Variants in TM4SF5 observed in about 807,000 individuals in gnomAD.
TM4SF5 encodes the protein transmembrane 4 L6 family member 5.
A neutral mutation model predicts 22.3 loss-of-function variants in TM4SF5; 16 were observed. That is an observed-to-expected ratio of 0.72 (90% CI 0.49 to 1.09). The LOEUF (loss-of-function observed/expected upper bound fraction) is 1.09, where lower values mean the gene tolerates loss of function less well. Among genes scored for constraint, TM4SF5 ranks in the 50% least tolerant of loss-of-function variants. The pLI, the probability that TM4SF5 is intolerant of heterozygous loss-of-function variation, is 0.00. For missense variants in TM4SF5, 249 were observed against 266.1 expected (o/e 0.94, Z 0.45); for synonymous variants, 113 against 109.6 (o/e 1.03, Z -0.19).
rs145433030 is a variant in TM4SF5, at chr17:4,780,674, C to T, written c.178-115C>T. On this transcript the variant is annotated intron_variant, in intron 1 of 4. Transcript: ENST00000270560. ...GGAGACGTAGAGATAAGGTCTTCTA[C>T]AGTCCAAAGGGCTGAAGGCATCACA... 800 of 704,694 alleles carry T rather than the reference C, an allele frequency of 1.1e-3. 6 individuals carry two copies. In the African/African-American group the frequency reaches 0.013, roughly 11 times the overall value. The allele number at this position is 704,694 out of a possible 1,614,324, so 43.7% of individuals were successfully genotyped here. A position where few individuals can be genotyped will look rare whatever the true frequency, so the allele number is the denominator to read the frequency against.
intron 1 of TM4SF5, among the ~76,000 whole-genome samples, chr17:4,773,940 G>A (rs1223006344): frequency 2.0e-5 from 3 of 152,198 alleles, no homozygotes; most frequent in African/African-American, 7.2e-5. Flanking sequence ...CACCCGGTGG[G>A]CATGGTGGCT....
At chr17:4,774,843 G>A (rs904186289) in intron 1 of TM4SF5, among the ~76,000 whole-genome samples, 2 of 151,942 alleles carry the variant, frequency 1.3e-5, no homozygotes, top group Non-Finnish European at 2.9e-5. Flanking sequence ...AGAGGCGGAG[G>A]TTGCAGTGAA....
At chr17:4,781,095 G>A (rs754190569) in intron 2 of TM4SF5, among the ~76,000 whole-genome samples, 9 of 148,070 alleles carry the variant, frequency 6.1e-5, no homozygotes, top group African/African-American at 1.0e-4. Flanking sequence ...TGGGAGGGCC[G>A]CTTGAGCCCA....
chr17:4,780,834 T>G lies in TM4SF5; in HGVS notation c.223T>G (p.Cys75Gly), dbSNP rs763660860. Residue 75 changes from cysteine to glycine, a missense_variant, in exon 2 of 5, where the codon TGC becomes GGC. By Grantham distance (159) the Cys-to-Gly change is radical (BLOSUM62 -3). Transcript: ENST00000270560. ...IAAVRAGGKG[C>G]CGAGCCGNRC... ...AGCCGTTCGGGCAGGGGGCAAGGGCTGCTGTGGTGCTGGGTGCTGTGGAAA... is the reference window on the plus strand; with the variant it reads ...AGCCGTTCGGGCAGGGGGCAAGGGCGGCTGTGGTGCTGGGTGCTGTGGAAA... The G allele has an allele frequency of 4.3e-6, 7 of 1,610,932 alleles. No individual in the cohort carries two copies. Among genetic ancestry groups the G allele is most frequent in the East Asian group, 4.5e-5 (2 of 44,654 alleles).
Position 4,782,692 on chromosome 17 carries a change from C to T in TM4SF5, c.395+53C>T, listed in dbSNP as rs1449628689. Reference sequence around the variant, plus strand: ...CCATTCTCTGCCTCTTCCCTCCCGCCCTTCCCCCGTGGACTGGGACACCTG... The same window carrying T: ...CCATTCTCTGCCTCTTCCCTCCCGCTCTTCCCCCGTGGACTGGGACACCTG... On this transcript the variant is annotated intron_variant, in intron 3 of 4. Coordinates refer to ENST00000270560, the MANE Select transcript of TM4SF5 (RefSeq NM_003963.3). The T allele has an allele frequency of 6.8e-6, 11 of 1,606,290 alleles. No homozygotes were observed. The Admixed American group carries it at 1.8e-4, about 27-fold the overall frequency.
chr17:4,772,790 A>C (rs971371943), intron 1 of TM4SF5, among the ~76,000 whole-genome samples: 1 of 150,070 alleles, frequency 6.7e-6, no homozygotes, highest in Non-Finnish European at 1.5e-5. Flanking sequence ...AACATGGCTC[A>C]CTGTAGCCCC....
chr17:4,775,097 G>A (rs1917181868), intron 1 of TM4SF5, among the ~76,000 whole-genome samples: 1 of 151,142 alleles, frequency 6.6e-6, no homozygotes, highest in African/African-American at 2.4e-5. Context: ...CCTAAGGTGG[G>A]AACAAGCTCT....
chr17:4,778,801 T>A (rs546764378), intron 1 of TM4SF5, among the ~76,000 whole-genome samples: 1 of 152,084 alleles, frequency 6.6e-6, no homozygotes, highest in Non-Finnish European at 1.5e-5. Flanking sequence ...CTCACGCTTG[T>A]AATCCCAGCA....
Position 4,772,021 on chromosome 17 carries a change from G to T in TM4SF5, c.99G>T (p.Gly33=). Reference sequence around the variant, plus strand: ...ACGCCCTCCTGCTGGTACCTAATGGGGAGACCTCCTGGACCAACACCAACC... The same window carrying T: ...ACGCCCTCCTGCTGGTACCTAATGGTGAGACCTCCTGGACCAACACCAACC... The part of the protein sequence containing the change: ...VANALLLVPN[G]ETSWTNTNHL... The change falls in exon 1 of 5, where the codon GGG becomes GGT. Residue 33 remains glycine (G), a synonymous_variant. Transcript: ENST00000270560. 6.2e-7 allele frequency: 1 copy of T among 1,614,186 alleles called. No individual in the cohort carries two copies. Among genetic ancestry groups the T allele is most frequent in the Non-Finnish European group, 8.5e-7 (1 of 1,180,034 alleles).
intron 1 of TM4SF5, among the ~76,000 whole-genome samples, chr17:4,777,157 A>T (rs1370767236): frequency 6.6e-6 from 1 of 150,928 alleles, no homozygotes; most frequent in East Asian, 1.9e-4. Flanking sequence ...AGATCATGCC[A>T]CTGCAATCCA....
chr17:4,775,302 G>A (rs564808284), intron 1 of TM4SF5, among the ~76,000 whole-genome samples: 47 of 150,922 alleles, frequency 3.1e-4, no homozygotes, highest in Admixed American at 1.2e-3. Context: ...TGTGTCGCCC[G>A]GGCTGCAGTG....
At chr17:4,778,314 C>T (rs1440484975) in intron 1 of TM4SF5, among the ~76,000 whole-genome samples, 1 of 151,820 alleles carries the variant, frequency 6.6e-6, no homozygotes, top group Non-Finnish European at 1.5e-5. Context: ...ATGGTATGTG[C>T]CAGATAAGAC....
intron 1 of TM4SF5, among the ~76,000 whole-genome samples, chr17:4,780,500 C>T (rs1165220079): frequency 6.6e-6 from 1 of 152,140 alleles, no homozygotes. Flanking sequence ...GAAGTAGTTT[C>T]CCTGATTTCC....
chr17:4,776,975 G>A (rs62073592), intron 1 of TM4SF5, among the ~76,000 whole-genome samples: 20,392 of 151,980 alleles, frequency 0.13, 1,563 homozygotes, highest in Admixed American at 0.18. Context: ...CGAGGCCAGC[G>A]GATCATGAGG....
chr17:4,778,700 C>T (rs189884570), intron 1 of TM4SF5, among the ~76,000 whole-genome samples: 147 of 152,130 alleles, frequency 9.7e-4, no homozygotes, highest in Non-Finnish European at 1.0e-3. Context: ...CCTGGTGCAA[C>T]GAAGATAAAG....
At chr17:4,774,592 G>A (rs1350513455) in intron 1 of TM4SF5, among the ~76,000 whole-genome samples, 2 of 151,924 alleles carry the variant, frequency 1.3e-5, no homozygotes, top group African/African-American at 4.8e-5. Flanking sequence ...TATAGAACTA[G>A]GCAAGGCAAT....
intron 2 of TM4SF5, 43 bp downstream of exon 2, chr17:4,780,912 T>C (rs1489523497): frequency 6.4e-7 from 1 of 1,556,806 alleles, no homozygotes; most frequent in Non-Finnish European, 8.8e-7. Context: ...GGGGGTGGTG[T>C]CTCATGCCTG....
intron 1 of TM4SF5, among the ~76,000 whole-genome samples, chr17:4,773,645 CT>C (rs1210744132): frequency 6.6e-6 from 1 of 152,174 alleles, no homozygotes; most frequent in Admixed American, 6.6e-5. Flanking sequence ...TCTCTAGTAT[CT>C]TTTCTTCTAC....
In TM4SF5 at chr17:4,782,958, G is replaced by T. The variant is rs1917344785; in HGVS notation, c.500G>T (p.Cys167Phe). The T allele has an allele frequency of 6.2e-7, 1 of 1,614,254 alleles. No homozygotes were observed. Among genetic ancestry groups the T allele is most frequent in the Non-Finnish European group, 8.5e-7 (1 of 1,180,040 alleles). The change falls in exon 4 of 5, where the codon TGC becomes TTC. Residue 167 changes from cysteine to phenylalanine, a missense_variant. Coordinates refer to ENST00000270560, the MANE Select transcript of TM4SF5 (RefSeq NM_003963.3). ...TTCTCGCTGCTGGTGGCCGCCTCCT[G>T]CCTGGAGATAGTACTGTGTGGGATC... The part of the protein sequence containing the change: ...TLFSLLVAAS[C>F]LEIVLCGIQL...
Sources: gnomAD v4.1 joint callset for allele counts (sites outside exome capture counted in the v4.1 genomes callset) on GRCh38, gnomAD v4.1.1 for gene constraint, MANE v1.5 for transcripts, NCBI Gene and HGNC (gene_info 2026-07-23, HGNC 2026-07-21) for gene names.